The following INPP4B variants were observed in gnomAD, a reference collection of about 807,000 sequenced individuals.
The protein encoded by INPP4B is inositol polyphosphate-4-phosphatase type II B, also known as inositol polyphosphate 4-phosphatase type II.
A neutral mutation model predicts 122.5 loss-of-function variants in INPP4B; 55 were observed. The observed-to-expected ratio is 0.45, with a 90% CI of 0.36 to 0.56. INPP4B has a LOEUF of 0.56. Ranked by LOEUF, INPP4B falls within the 20% of genes least tolerant of loss-of-function variation. The pLI is 0.00. For synonymous variants in INPP4B, 403 were observed against 388.7 expected (o/e 1.04, Z -0.43); for missense variants, 1,000 against 1,097.7 (o/e 0.91, Z 1.26).
chr4:142,752,570 A>G (rs1462695026), intron 1 of INPP4B, among the ~76,000 whole-genome samples: 1 of 152,096 alleles, frequency 6.6e-6, no homozygotes, highest in Non-Finnish European at 1.5e-5. Flanking sequence ...TTTGATTTTA[A>G]GCAACCAGCT....
At chr4:142,816,618 A>C (rs1780149489) in intron 1 of INPP4B, among the ~76,000 whole-genome samples, 1 of 152,144 alleles carries the variant, frequency 6.6e-6, no homozygotes, top group East Asian at 1.9e-4. Flanking sequence ...AGTTGTGCAT[A>C]AATATATAAA....
chr4:142,078,842 G>A (rs1027947010), intron 25 of INPP4B, among the ~76,000 whole-genome samples: 1 of 151,950 alleles, frequency 6.6e-6, no homozygotes, highest in African/African-American at 2.4e-5. Flanking sequence ...AAAATAGCCT[G>A]GAAGGTGATT....
intron 2 of INPP4B, among the ~76,000 whole-genome samples, chr4:142,643,170 T>G (rs1580599180): frequency 6.6e-6 from 1 of 152,156 alleles, no homozygotes; most frequent in Admixed American, 6.6e-5. Flanking sequence ...GATTTTGGGC[T>G]GAGATGATGG....
chr4:142,327,997 A>C (rs145775205), intron 7 of INPP4B, among the ~76,000 whole-genome samples: 1 of 152,148 alleles, frequency 6.6e-6, no homozygotes, highest in African/African-American at 2.4e-5. Context: ...TGCGGAGGGA[A>C]GTTAAAGCAA....
chr4:142,535,028 T>A (rs1406379548), intron 2 of INPP4B, among the ~76,000 whole-genome samples: 4 of 152,156 alleles, frequency 2.6e-5, no homozygotes, highest in Non-Finnish European at 4.4e-5. Context: ...ATATTAACAA[T>A]ATCTGAAATA....
intron 1 of INPP4B, among the ~76,000 whole-genome samples, chr4:142,808,202 CTT>C (rs2151113851): frequency 6.6e-6 from 1 of 152,202 alleles, no homozygotes; most frequent in Admixed American, 6.5e-5. Context: ...TGTTCTTTTT[CTT>C]GTTTCATTTT....
At chr4:142,450,998 C>T (rs1300720054) in intron 3 of INPP4B, among the ~76,000 whole-genome samples, 1 of 149,050 alleles carries the variant, frequency 6.7e-6, no homozygotes, top group Non-Finnish European at 1.5e-5. Flanking sequence ...AAAAGTATAA[C>T]CTATCAATGT....
chr4:142,543,020 T>C (rs1265982600), intron 2 of INPP4B, among the ~76,000 whole-genome samples: 6 of 152,186 alleles, frequency 3.9e-5, no homozygotes, highest in Non-Finnish European at 7.4e-5. Flanking sequence ...TTATTATTAG[T>C]GAAAACACCC....
Position 142,145,832 on chromosome 4 carries a change from T to C in INPP4B, c.1720+8A>G, listed in dbSNP as rs1382182178. 1 of 1,611,648 alleles carries C rather than the reference T, an allele frequency of 6.2e-7. No homozygotes were observed. Among genetic ancestry groups the C allele is most frequent in the Non-Finnish European group, 8.5e-7 (1 of 1,179,016 alleles). ...AGTAAATGATTGGGAAAAAAAATTA[T>C]TTCTTACCTCTTGGGTGAGAGGGAA... On this transcript the variant is annotated splice_region_variant and intron_variant, in intron 18 of 25. Transcript: ENST00000262992.
chr4:142,733,170 A>C (rs905604708), intron 1 of INPP4B, among the ~76,000 whole-genome samples: 4 of 152,192 alleles, frequency 2.6e-5, no homozygotes, highest in African/African-American at 7.2e-5. Context: ...AATCATTTCC[A>C]GAGGTTGTGC....
At chr4:142,682,223 G>A (rs755761385) in intron 2 of INPP4B, among the ~76,000 whole-genome samples, 39 of 151,762 alleles carry the variant, frequency 2.6e-4, no homozygotes, top group Non-Finnish European at 4.1e-4. Flanking sequence ...CCCCTCCAGA[G>A]AGAATATTTA....
intron 7 of INPP4B, among the ~76,000 whole-genome samples, chr4:142,342,324 T>C (rs1778953507): frequency 6.6e-6 from 1 of 152,180 alleles, no homozygotes; most frequent in Admixed American, 6.5e-5. Flanking sequence ...TAATCATTAA[T>C]ATACAATCAA....
intron 2 of INPP4B, among the ~76,000 whole-genome samples, chr4:142,613,540 T>C (rs905231078): frequency 2.0e-5 from 3 of 152,192 alleles, no homozygotes; most frequent in African/African-American, 4.8e-5. Flanking sequence ...TGGCTACAGA[T>C]CCTTGGGAAA....
intron 18 of INPP4B, among the ~76,000 whole-genome samples, chr4:142,128,312 ATG>A (rs1422778655): frequency 6.6e-6 from 1 of 150,984 alleles, no homozygotes; most frequent in African/African-American, 2.4e-5. Context: ...AGAAGAGTGG[ATG>A]TGTGTATTTC....
At chr4:142,086,709 C>A (rs1189565314) in intron 23 of INPP4B, among the ~76,000 whole-genome samples, 1 of 152,176 alleles carries the variant, frequency 6.6e-6, no homozygotes, top group Non-Finnish European at 1.5e-5. Context: ...TGTCTGAGGA[C>A]AACCATACTT....
chr4:142,537,429 T>TATATATATAGAGAGAG (rs1200701380), intron 2 of INPP4B, among the ~76,000 whole-genome samples: 31 of 25,468 alleles, frequency 1.2e-3, no homozygotes, highest in South Asian at 4.0e-3. Flanking sequence ...TATATATATA[T>TATATATATAGAGAGAG]AGAGAGAGAG....
chr4:142,143,169 T>C (rs1808747727), intron 18 of INPP4B, among the ~76,000 whole-genome samples: 1 of 151,984 alleles, frequency 6.6e-6, no homozygotes, highest in African/African-American at 2.4e-5. Context: ...TGAACCCATA[T>C]CCCAGGAGGA....
At chr4:142,714,156 A>G (rs1763466891) in intron 2 of INPP4B, among the ~76,000 whole-genome samples, 1 of 152,220 alleles carries the variant, frequency 6.6e-6, no homozygotes, top group African/African-American at 2.4e-5. Context: ...CATTTTCCAA[A>G]ATTACCTAAT....
intron 7 of INPP4B, among the ~76,000 whole-genome samples, chr4:142,333,895 A>G (rs1034254677): frequency 2.0e-5 from 3 of 152,004 alleles, no homozygotes; most frequent in African/African-American, 7.3e-5. Flanking sequence ...TTCAAGATCT[A>G]CTCTCCTAAT....
Sources: allele counts gnomAD v4.1 joint callset (sites outside exome capture counted in the v4.1 genomes callset), GRCh38; gene constraint gnomAD v4.1.1; transcripts MANE v1.5; gene names NCBI Gene and HGNC (gene_info 2026-07-23, HGNC 2026-07-21).